Variants in TRMO observed in about 807,000 individuals in gnomAD.
TRMO encodes the protein tRNA (adenine(37)-N6)-methyltransferase.
A neutral mutation model predicts 37.2 loss-of-function variants in TRMO; 30 were observed. The ratio of observed to expected loss-of-function variants is 0.81; its 90% CI spans 0.60 to 1.09. The LOEUF (loss-of-function observed/expected upper bound fraction) is 1.09, where lower values mean the gene tolerates loss of function less well. Among genes scored for constraint, TRMO ranks in the 50% least tolerant of loss-of-function variants. The pLI, the probability that TRMO is intolerant of heterozygous loss-of-function variation, is 0.00. For missense variants in TRMO, 552 were observed against 549.5 expected (o/e 1.00, Z -0.05); for synonymous variants, 239 against 199.4 (o/e 1.20, Z -1.67).
intron 1 of TRMO, 139 bp from the exon 2 acceptor site, chr9:97,916,477 T>G: frequency 3.2e-6 from 2 of 619,602 alleles, no homozygotes; most frequent in South Asian, 4.1e-5. Context: ...TTTTATAGTA[T>G]TCATGAATAC....
intron 3 of TRMO, chr9:97,912,874 T>A (rs150323275): frequency 7.8e-7 from 1 of 1,285,404 alleles, no homozygotes; most frequent in African/African-American, 1.5e-5. Flanking sequence ...TTCTACAACC[T>A]GACCAATGTT....
At position 97,922,464 on chromosome 9, in the gene TRMO, C is replaced by A; in HGVS notation, c.30G>T (p.Arg10=). MRGLEESGP[R]PTATPCGCVK... Reference sequence around the variant, plus strand: ...CGCAGCCGCACGGGGTCGCTGTAGGCCGAGGCCCCGACTCCTCCAAGCCGC... The same window carrying A: ...CGCAGCCGCACGGGGTCGCTGTAGGACGAGGCCCCGACTCCTCCAAGCCGC... The change falls in exon 1 of 5, where the codon CGG becomes CGT. Residue 10 remains arginine (R), a synonymous_variant. Transcript: ENST00000375119. 6.3e-7 allele frequency: 1 copy of A among 1,587,018 alleles called. No homozygotes were observed. Among genetic ancestry groups the A allele is most frequent in the East Asian group, 2.3e-5 (1 of 43,798 alleles).
Position 97,913,450 on chromosome 9 carries a change from A to T in TRMO, c.360T>A (p.His120Gln). The T allele has an allele frequency of 6.2e-7, 1 of 1,614,018 alleles. No individual in the cohort carries two copies. Among genetic ancestry groups the T allele is most frequent in the Non-Finnish European group, 8.5e-7 (1 of 1,179,912 alleles). ...GGGTCAGTCCTATTGCATTGGGACG[A>T]TGAGGGCTCCTTGTGGAAAAAACTC... The part of the protein sequence containing the change: ...KTGVFSTRSP[H>Q]RPNAIGLTLA... The change falls in exon 3 of 5, where the codon CAT (histidine) becomes CAA (glutamine). Residue 120 changes from histidine (H) to glutamine (Q), a missense_variant. Transcript: ENST00000375119.
intron 1 of TRMO, among the ~76,000 whole-genome samples, chr9:97,919,109 T>C (rs1482029904): frequency 6.6e-6 from 1 of 152,218 alleles, no homozygotes; most frequent in Non-Finnish European, 1.5e-5. Flanking sequence ...GGCATTGTTT[T>C]TAGTTTTTTG....
chr9:97,918,081 T>C (rs1054656204), intron 1 of TRMO, among the ~76,000 whole-genome samples: 2 of 151,714 alleles, frequency 1.3e-5, no homozygotes, highest in African/African-American at 2.4e-5. Flanking sequence ...TTGAAGTTTT[T>C]TCAATAATCA....
intron 3 of TRMO, chr9:97,912,949 C>T: frequency 7.7e-7 from 1 of 1,303,832 alleles, no homozygotes; most frequent in South Asian, 1.2e-5. Context: ...AGCACTGCAG[C>T]CATGATATCT....
downstream of TRMO, chr9:97,900,778 C>T: frequency 1.0e-6 from 1 of 974,042 alleles, no homozygotes; most frequent in Non-Finnish European, 1.2e-6. Context: ...TTCTCTGGGA[C>T]TGTAGCATTT....
intron 1 of TRMO, among the ~76,000 whole-genome samples, chr9:97,916,705 CTTT>C (rs555924368): frequency 8.0e-6 from 1 of 124,590 alleles, no homozygotes. Context: ...GTATTTCTTT[CTTT>C]TTTTTTTTTT....
Position 97,910,066 on chromosome 9 carries a change from A to G in TRMO, c.960T>C (p.Ala320=), listed in dbSNP as rs1224170554. The part of the protein sequence containing the change: ...PHCPAGRADG[A]PRSVVPAWVT... The stretch of plus-strand genomic sequence containing the variant: ...CCCAGGCAGGAACCACGCTGCGGGG[A>G]GCTCCATCAGCCCTTCCAGCAGGGC... The change falls in exon 4 of 5, where the codon GCT becomes GCC. Residue 320 remains alanine, a synonymous_variant. Coordinates refer to ENST00000375119, the MANE Select transcript of TRMO (RefSeq NM_016481.5). 6.2e-7 allele frequency: 1 copy of G among 1,613,182 alleles called. No individual in the cohort carries two copies. Among genetic ancestry groups the G allele is most frequent in the Non-Finnish European group, 8.5e-7 (1 of 1,179,262 alleles).
rs1344102677 is a variant in TRMO, at chr9:97,909,972, G to A, written c.1054C>T (p.Leu352Phe). The change falls in exon 4 of 5, where the codon CTC becomes TTC. Residue 352 changes from leucine to phenylalanine, a missense_variant. Coordinates refer to ENST00000375119, the MANE Select transcript of TRMO (RefSeq NM_016481.5). ...TPHAEMDLGQLSSQDVGQASF... is the reference protein window; with the variant it reads ...TPHAEMDLGQFSSQDVGQASF... The stretch of plus-strand genomic sequence containing the variant: ...AAACTGAAGATACCTTGTGAACTGA[G>A]CTGCCCAAGGTCCATCTCGGCATGA... The A allele has an allele frequency of 6.5e-7, 1 of 1,534,920 alleles. No homozygotes were observed. The highest frequency in any genetic ancestry group is 2.3e-5 in the East Asian group (1 of 44,130).
chr9:97,921,292 A>T (rs1304766505), intron 1 of TRMO, among the ~76,000 whole-genome samples: 1 of 152,378 alleles, frequency 6.6e-6, no homozygotes, highest in African/African-American at 2.4e-5. Flanking sequence ...GCAGTGGCTC[A>T]TGCCTGTAAT....
intron 1 of TRMO, among the ~76,000 whole-genome samples, chr9:97,920,798 C>G (rs1587844849): frequency 6.6e-6 from 1 of 152,218 alleles, no homozygotes; most frequent in Non-Finnish European, 1.5e-5. Context: ...TTCCCCTTCT[C>G]AAAATACTCT....
downstream of TRMO, among the ~76,000 whole-genome samples, chr9:97,901,787 A>G (rs1831175383): frequency 6.6e-6 from 1 of 151,496 alleles, no homozygotes; most frequent in African/African-American, 2.4e-5. Context: ...ATGGATAAAT[A>G]AAGTTTCCAA....
chr9:97,907,774 T>C (rs1249061406), intron 4 of TRMO, among the ~76,000 whole-genome samples: 2 of 152,128 alleles, frequency 1.3e-5, no homozygotes, highest in Non-Finnish European at 2.9e-5. Flanking sequence ...TTCTAGTGCC[T>C]CTTTGACCTC....
Position 97,904,961 on chromosome 9 carries a change from C to T in TRMO, c.1098G>A (p.Gln366=). Residue 366 remains glutamine (Q), a synonymous_variant, in exon 5 of 5, where the codon CAG becomes CAA. Transcript: ENST00000375119. ...DVGQASFKYF[Q]SAEEAKRAIE... ...TGGCACGCTTTGCTTCCTCTGCTGA[C>T]TGAAAATATTTAAATGACGCCTGAC... 2.5e-6 allele frequency: 4 copies of T among 1,613,882 alleles called. No homozygotes were observed. The highest frequency in any genetic ancestry group is 3.4e-6 in the Non-Finnish European group (4 of 1,179,772).
downstream of TRMO, chr9:97,900,662 C>T: frequency 2.0e-6 from 1 of 494,822 alleles, no homozygotes; most frequent in Non-Finnish European, 2.6e-6. Flanking sequence ...GAGCACGTTA[C>T]TCAACCTCCA....
chr9:97,908,320 G>A (rs1458058687), intron 4 of TRMO, among the ~76,000 whole-genome samples: 1 of 150,964 alleles, frequency 6.6e-6, no homozygotes, highest in African/African-American at 2.4e-5. Flanking sequence ...GCGGAGGCAG[G>A]TGAATGGTGT....
At chr9:97,906,665 G>A (rs909033066) in intron 4 of TRMO, among the ~76,000 whole-genome samples, 3 of 151,816 alleles carry the variant, frequency 2.0e-5, no homozygotes, top group Non-Finnish European at 4.4e-5. Flanking sequence ...GACACATACT[G>A]CACTGCAGTT....
At chr9:97,921,001 A>G (rs891190566) in intron 1 of TRMO, among the ~76,000 whole-genome samples, 3 of 152,134 alleles carry the variant, frequency 2.0e-5, no homozygotes, top group Non-Finnish European at 2.9e-5. Flanking sequence ...CCAAACCTAT[A>G]CTGTGTAGAC....
Sources: allele counts gnomAD v4.1 joint callset (sites outside exome capture counted in the v4.1 genomes callset), GRCh38; gene constraint gnomAD v4.1.1; transcripts MANE v1.5; gene names NCBI Gene and HGNC (gene_info 2026-07-23, HGNC 2026-07-21).